PALLD: variants seen among roughly 807,000 people sequenced by gnomAD.
PALLD encodes the protein palladin.
Under a neutral mutation model 123.5 loss-of-function variants are expected in PALLD, and 61 were observed. The observed-to-expected ratio is 0.49, with a 90% CI of 0.40 to 0.61. The LOEUF (loss-of-function observed/expected upper bound fraction) is 0.61, where lower values mean the gene tolerates loss of function less well. PALLD is among the 20% of genes least tolerant of loss of function. The pLI, the probability that PALLD is intolerant of heterozygous loss-of-function variation, is 0.00. For synonymous variants in PALLD, 465 were observed against 496.4 expected (o/e 0.94, Z 0.84); for missense variants, 1,273 against 1,377.0 (o/e 0.92, Z 1.20).
chr4:168,641,036 G>A (rs1776889572), intron 2 of PALLD, among the ~76,000 whole-genome samples: 1 of 151,976 alleles, frequency 6.6e-6, no homozygotes, highest in African/African-American at 2.4e-5. Context: ...GTGAAACCCC[G>A]TCTCTACTAA....
intron 10 of PALLD, among the ~76,000 whole-genome samples, chr4:168,785,028 A>G (rs1197118802): frequency 7.7e-6 from 1 of 129,746 alleles, no homozygotes; most frequent in Non-Finnish European, 1.6e-5. Flanking sequence ...TTTTCCTTTT[A>G]ATGAAGCCCC....
At chr4:168,691,231 T>C (rs1580991293) in intron 7 of PALLD, 38 bp from the exon 8 acceptor site, 22 of 1,503,462 alleles carry the variant, frequency 1.5e-5, no homozygotes, top group Non-Finnish European at 1.9e-5. Context: ...CCCATTCTAA[T>C]ACTTTGTTCT....
chr4:168,760,790 C>T (rs1273636601), intron 10 of PALLD, among the ~76,000 whole-genome samples: 1 of 152,194 alleles, frequency 6.6e-6, no homozygotes, highest in Non-Finnish European at 1.5e-5. Context: ...GTACCTGGTC[C>T]TTGAAATTGA....
At chr4:168,573,268 T>C (rs1045587352) in intron 2 of PALLD, among the ~76,000 whole-genome samples, 8 of 151,906 alleles carry the variant, frequency 5.3e-5, no homozygotes, top group African/African-American at 1.9e-4. Context: ...CGCCAAAGGA[T>C]CCCTCCCCTA....
At position 168,614,707 on chromosome 4, in the gene PALLD, T is replaced by TA. The variant is rs995307790; in HGVS notation, c.909-53474dup. The stretch of plus-strand genomic sequence containing the variant: ...GGTATATTTTTCTCTATTAACTATT[T>TA]AAAAAAAAATCACAGGAAAAGAACC... On this transcript the variant is annotated intron_variant, in intron 2 of 21. Transcript: ENST00000505667. Among the ~76,000 whole-genome samples the TA allele has an allele frequency of 1.4e-3, 215 of 151,578 alleles. 1 individual carries two copies. The highest frequency in any genetic ancestry group is 4.1e-3 in the African/African-American group (168 of 41,320).
At chr4:168,665,827 A>G (rs1361976406) in intron 2 of PALLD, among the ~76,000 whole-genome samples, 1 of 152,190 alleles carries the variant, frequency 6.6e-6, no homozygotes, top group Admixed American at 6.5e-5. Context: ...GGAGTGGGGA[A>G]TCATTTTCTA....
At chr4:168,848,450 C>T (rs1158449402) in intron 10 of PALLD, among the ~76,000 whole-genome samples, 2 of 152,110 alleles carry the variant, frequency 1.3e-5, no homozygotes, top group African/African-American at 4.8e-5. Flanking sequence ...CCATCTTAGA[C>T]ACAGATCTAC....
At chr4:168,850,721 G>A (rs1367754577) in intron 10 of PALLD, among the ~76,000 whole-genome samples, 1 of 151,290 alleles carries the variant, frequency 6.6e-6, no homozygotes, top group East Asian at 1.9e-4. Flanking sequence ...TAGTGGAGAC[G>A]GGGTTTCTCC....
chr4:168,547,720 C>T (rs139695533), intron 2 of PALLD, among the ~76,000 whole-genome samples: 152 of 151,772 alleles, frequency 1.0e-3, no homozygotes, highest in African/African-American at 3.5e-3. Flanking sequence ...GAGGCCGAGG[C>T]GGGCAGATCA....
chr4:168,518,923 C>T (rs570324575), intron 2 of PALLD, among the ~76,000 whole-genome samples: 2 of 152,186 alleles, frequency 1.3e-5, no homozygotes, highest in South Asian at 4.1e-4. Flanking sequence ...CTGGAAAGAA[C>T]CTAAACATTC....
intron 11 of PALLD, among the ~76,000 whole-genome samples, chr4:168,893,778 G>A (rs985658067): frequency 2.0e-5 from 3 of 152,178 alleles, no homozygotes; most frequent in Non-Finnish European, 4.4e-5. Context: ...AATGGCATAG[G>A]TAAAACGGTT....
intron 1 of PALLD, among the ~76,000 whole-genome samples, chr4:168,506,673 T>C (rs1476059572): frequency 1.3e-5 from 2 of 152,182 alleles, no homozygotes; most frequent in African/African-American, 4.8e-5. Flanking sequence ...AGTCTATACT[T>C]TTGTTCAACT....
In PALLD at chr4:168,714,139, T is replaced by C. The variant is rs186906195; in HGVS notation, c.1964+2216T>C. On this transcript the variant is annotated intron_variant, in intron 10 of 21. Coordinates refer to ENST00000505667, the MANE Select transcript of PALLD (RefSeq NM_001166108.2). ...TAGAATATGTTATTGGATTTTGTTTTATTACAAAATCAGTGGATGCTTGAT... is the reference window on the plus strand; with the variant it reads ...TAGAATATGTTATTGGATTTTGTTTCATTACAAAATCAGTGGATGCTTGAT... Among the ~76,000 whole-genome samples the C allele has an allele frequency of 2.8e-3, 427 of 152,174 alleles. 1 individual carries two copies. Among genetic ancestry groups the C allele is most frequent in the Non-Finnish European group, 4.4e-3 (297 of 67,986 alleles).
chr4:168,772,849 G>A (rs1026368874), intron 10 of PALLD, among the ~76,000 whole-genome samples: 9 of 152,120 alleles, frequency 5.9e-5, no homozygotes, highest in Non-Finnish European at 1.0e-4. Context: ...AAAAAAGAAA[G>A]GGAAGGAAGG....
chr4:168,632,816 A>G (rs1775965776), intron 2 of PALLD, among the ~76,000 whole-genome samples: 1 of 152,236 alleles, frequency 6.6e-6, no homozygotes, highest in African/African-American at 2.4e-5. Flanking sequence ...CATGACTTTT[A>G]CAGAGAGAGT....
chr4:168,905,138 G>GTTT lies in PALLD; in HGVS notation c.2622+1260_2622+1262dup, dbSNP rs777740588. On this transcript the variant is annotated intron_variant, in intron 15 of 21. Coordinates refer to ENST00000505667, the MANE Select transcript of PALLD (RefSeq NM_001166108.2). ...TGAGACTTTGTTTTTTGTTTTGTTG[G>GTTT]TTTTTTTTTTTTTTTTTTTTTTTTT... Among the ~76,000 whole-genome samples, 55 of 34,522 alleles carry GTTT rather than the reference G, an allele frequency of 1.6e-3. 7 individuals carry two copies. Among genetic ancestry groups the GTTT allele is most frequent in the Non-Finnish European group, 1.8e-3 (25 of 14,178 alleles). The allele number at this position is 34,522 out of a possible 152,430, so 22.6% of individuals were successfully genotyped here. A position where few individuals can be genotyped will look rare whatever the true frequency, so the allele number is the denominator to read the frequency against.
At chr4:168,904,840 T>G (rs1303100703) in intron 15 of PALLD, among the ~76,000 whole-genome samples, 1 of 152,122 alleles carries the variant, frequency 6.6e-6, no homozygotes, top group Non-Finnish European at 1.5e-5. Flanking sequence ...TAATTAAAGT[T>G]TCTGGCCCAG....
At chr4:168,767,597 G>C (rs562946142) in intron 10 of PALLD, among the ~76,000 whole-genome samples, 1 of 147,672 alleles carries the variant, frequency 6.8e-6, no homozygotes, top group East Asian at 2.0e-4. Flanking sequence ...GCCCAGGCTG[G>C]CCTGCAGTGG....
intron 2 of PALLD, among the ~76,000 whole-genome samples, chr4:168,660,797 C>T (rs7678874): frequency 0.58 from 87,755 of 151,998 alleles, 26,299 homozygotes; most frequent in African/African-American, 0.74. Context: ...AACAAATTGA[C>T]TTCAACTTGA....
Sources: allele counts gnomAD v4.1 joint callset (sites outside exome capture counted in the v4.1 genomes callset), GRCh38; gene constraint gnomAD v4.1.1; transcripts MANE v1.5; gene names NCBI Gene and HGNC (gene_info 2026-07-23, HGNC 2026-07-21).